Variants in MACROD2 observed in about 807,000 individuals in gnomAD.
MACROD2 encodes ADP-ribose glycohydrolase MACROD2.
MACROD2 carries 36 observed loss-of-function variants against 70.4 expected under a neutral mutation model. That is an observed-to-expected ratio of 0.51 (90% CI 0.39 to 0.68). MACROD2 has a LOEUF of 0.68. MACROD2 is among the 30% of genes least tolerant of loss of function. The pLI, the probability that MACROD2 is intolerant of heterozygous loss-of-function variation, is 0.00. For synonymous variants in MACROD2, 172 were observed against 178.8 expected (o/e 0.96, Z 0.30); for missense variants, 496 against 538.4 (o/e 0.92, Z 0.78).
rs574534165 is a variant in MACROD2, at chr20:16,045,658, C to T, written c.1300+1019C>T. 2.6e-5 allele frequency among the ~76,000 whole-genome samples: 4 copies of T among 152,102 alleles called. No individual in the cohort carries two copies. In the South Asian group the frequency reaches 8.3e-4, roughly 32 times the overall value. ...ATAAATCTTTAACATAATGTTGTTA[C>T]TTGTGTGCATACTGTCTTTATCTCT... On this transcript the variant is annotated intron_variant, in intron 17 of 17. Transcript: ENST00000684519.
intron 8 of MACROD2, among the ~76,000 whole-genome samples, chr20:15,664,798 C>T (rs146371969): frequency 6.6e-6 from 1 of 152,236 alleles, no homozygotes; most frequent in East Asian, 1.9e-4. Context: ...AGCTATCATC[C>T]CAGTGGGTTC....
chr20:14,677,408 A>G (rs1450246504), intron 4 of MACROD2, among the ~76,000 whole-genome samples: 2 of 152,194 alleles, frequency 1.3e-5, no homozygotes, highest in African/African-American at 4.8e-5. Context: ...GCTATAGTCT[A>G]AGGAAAGCTA....
intron 8 of MACROD2, among the ~76,000 whole-genome samples, chr20:15,621,732 C>T (rs538192330): frequency 7.2e-5 from 11 of 152,202 alleles, no homozygotes; most frequent in Admixed American, 2.0e-4. Flanking sequence ...ATGACTTCCA[C>T]GCTCCCCTTG....
intron 3 of MACROD2, among the ~76,000 whole-genome samples, chr20:14,274,639 C>G (rs1353331533): frequency 6.6e-6 from 1 of 152,100 alleles, no homozygotes; most frequent in African/African-American, 2.4e-5. Context: ...GTTGGAAGTT[C>G]TGGTCAGGGC....
intron 2 of MACROD2, among the ~76,000 whole-genome samples, chr20:14,013,674 C>CT (rs34386274): frequency 0.32 from 22,971 of 71,164 alleles, 5,463 homozygotes; most frequent in South Asian, 0.39. Flanking sequence ...TTATATTAAG[C>CT]TTTTTTTTTT....
In MACROD2 at chr20:14,333,393, T is replaced by C. The variant is rs117575348; in HGVS notation, c.272-160086T>C. 9.6e-4 allele frequency among the ~76,000 whole-genome samples: 146 copies of C among 152,306 alleles called. 1 individual carries two copies. In the East Asian group the frequency reaches 0.022, roughly 23 times the overall value. The stretch of plus-strand genomic sequence containing the variant: ...AAAACAAAAAGGCAAACTGGGATAT[T>C]ATCCGTCAGCATAGTGAATGCTGCT... On this transcript the variant is annotated intron_variant, in intron 3 of 17. Transcript: ENST00000684519.
At chr20:14,841,217 A>T (rs1057096245) in intron 5 of MACROD2, among the ~76,000 whole-genome samples, 1 of 152,172 alleles carries the variant, frequency 6.6e-6, no homozygotes, top group African/African-American at 2.4e-5. Flanking sequence ...ACTTTATCAC[A>T]TAGATAAAAT....
chr20:15,807,983 A>G (rs112675615), intron 8 of MACROD2, among the ~76,000 whole-genome samples: 2,072 of 152,206 alleles, frequency 0.014, 55 homozygotes, highest in African/African-American at 0.048. Flanking sequence ...TTATTTGCAT[A>G]AAAAAGCACT....
chr20:15,049,355 C>T (rs2075420906), intron 5 of MACROD2, among the ~76,000 whole-genome samples: 1 of 151,596 alleles, frequency 6.6e-6, no homozygotes, highest in Non-Finnish European at 1.5e-5. Flanking sequence ...AGACTTGTTG[C>T]CACCAAGAAA....
chr20:14,685,206 A>G (rs946183523), intron 5 of MACROD2: 2 of 172,532 alleles, frequency 1.2e-5, no homozygotes, highest in African/African-American at 4.8e-5. Context: ...ATGTTTAACT[A>G]TTCAGGTCTT....
intron 8 of MACROD2, among the ~76,000 whole-genome samples, chr20:15,572,994 C>T (rs1476888731): frequency 6.6e-6 from 1 of 151,960 alleles, no homozygotes; most frequent in African/African-American, 2.4e-5. Flanking sequence ...TGAAAAGTGC[C>T]AGAATGAAAA....
At chr20:15,494,736 GGTGT>G (rs550716316) in intron 7 of MACROD2, among the ~76,000 whole-genome samples, 1,233 of 110,204 alleles carry the variant, frequency 0.011, 11 homozygotes, top group Middle Eastern at 0.018. Flanking sequence ...TGCATAATGG[GGTGT>G]GTGTGTGTGT....
chr20:14,450,217 A>G (rs1454753381), intron 3 of MACROD2, among the ~76,000 whole-genome samples: 2 of 152,150 alleles, frequency 1.3e-5, no homozygotes, highest in East Asian at 3.8e-4. Flanking sequence ...CGTCATCTAA[A>G]TCACCTTATA....
intron 5 of MACROD2, among the ~76,000 whole-genome samples, chr20:15,126,587 A>G (rs999701039): frequency 2.6e-5 from 4 of 152,154 alleles, no homozygotes; most frequent in Admixed American, 2.6e-4. Context: ...ATAGAGTAAC[A>G]TAATTGAAAT....
chr20:15,684,405 G>A (rs993237703), intron 8 of MACROD2, among the ~76,000 whole-genome samples: 1 of 152,184 alleles, frequency 6.6e-6, no homozygotes, highest in Non-Finnish European at 1.5e-5. Context: ...CAAATTGTGA[G>A]GGAGATATCT....
intron 6 of MACROD2, among the ~76,000 whole-genome samples, chr20:15,288,920 C>G (rs908335184): frequency 6.7e-6 from 1 of 150,012 alleles, no homozygotes; most frequent in Non-Finnish European, 1.5e-5. Flanking sequence ...TCCTCTCCAT[C>G]CTATTGGTTC....
At chr20:15,783,400 C>A (rs1033753096) in intron 8 of MACROD2, among the ~76,000 whole-genome samples, 3 of 152,072 alleles carry the variant, frequency 2.0e-5, no homozygotes, top group South Asian at 4.1e-4. Context: ...GTTCACCTGA[C>A]CTTATTTCTA....
At chr20:14,604,357 G>A (rs1411621111) in intron 4 of MACROD2, among the ~76,000 whole-genome samples, 1 of 152,158 alleles carries the variant, frequency 6.6e-6, no homozygotes, top group South Asian at 2.1e-4. Flanking sequence ...CACTACCATA[G>A]CTAATATTTA....
intron 5 of MACROD2, among the ~76,000 whole-genome samples, chr20:14,952,265 T>A (rs2074482168): frequency 6.6e-6 from 1 of 152,150 alleles, no homozygotes; most frequent in Non-Finnish European, 1.5e-5. Flanking sequence ...TGATGCTGTT[T>A]AATTACATGA....
Sources: allele counts gnomAD v4.1 joint callset (sites outside exome capture counted in the v4.1 genomes callset), GRCh38; gene constraint gnomAD v4.1.1; transcripts MANE v1.5; gene names NCBI Gene and HGNC (gene_info 2026-07-23, HGNC 2026-07-21).